MED13: variants seen among roughly 807,000 people sequenced by gnomAD.
The protein encoded by MED13 is mediator complex subunit 13, also known as mediator of RNA polymerase II transcription subunit 13.
Under a neutral mutation model 225.2 loss-of-function variants are expected in MED13, and 23 were observed. That is an observed-to-expected ratio of 0.10 (90% CI 0.07 to 0.14). The LOEUF (loss-of-function observed/expected upper bound fraction) is 0.14, where lower values mean the gene tolerates loss of function less well. Ranked by LOEUF, MED13 falls within the 10% of genes least tolerant of loss-of-function variation. The pLI is 1.00. For synonymous variants in MED13, 942 were observed against 889.2 expected (o/e 1.06, Z -1.06); for missense variants, 2,197 against 2,594.5 (o/e 0.85, Z 3.33).
intron 26 of MED13, 125 bp downstream of exon 26, chr17:61,955,257 A>T: frequency 1.3e-6 from 1 of 757,490 alleles, no homozygotes; most frequent in Non-Finnish European, 2.0e-6. Context: ...CAAGATCCTT[A>T]ACTTATCACA....
At chr17:62,008,183 G>C (rs1449775056) in intron 9 of MED13, among the ~76,000 whole-genome samples, 8 of 150,394 alleles carry the variant, frequency 5.3e-5, no homozygotes, top group Non-Finnish European at 1.0e-4. Context: ...GCCAGGAGTG[G>C]TGGTGGGCGC....
At chr17:62,059,986 T>G (rs2081025447) in intron 2 of MED13, among the ~76,000 whole-genome samples, 2 of 152,156 alleles carry the variant, frequency 1.3e-5, no homozygotes, top group Admixed American at 1.3e-4. Context: ...TCACTTCACT[T>G]TGATAAATTT....
At chr17:61,959,209 T>A (rs2143332026) in intron 23 of MED13, among the ~76,000 whole-genome samples, 1 of 152,228 alleles carries the variant, frequency 6.6e-6, no homozygotes, top group South Asian at 2.1e-4. Flanking sequence ...GAGTCAGGGT[T>A]TCACCATGTC....
chr17:62,031,414 C>T (rs180764099), intron 6 of MED13, 30 bp downstream of exon 6: 106 of 1,481,118 alleles, frequency 7.2e-5, no homozygotes, highest in Non-Finnish European at 9.3e-5. Context: ...AACAAATTAC[C>T]AGAGCTGATG....
At chr17:62,018,370 G>GT (rs1445610752) in intron 8 of MED13, among the ~76,000 whole-genome samples, 1 of 152,068 alleles carries the variant, frequency 6.6e-6, no homozygotes, top group Non-Finnish European at 1.5e-5. Flanking sequence ...AACTATTTAC[G>GT]TAACACATTG....
At chr17:62,028,265 C>A (rs2080721364) in intron 8 of MED13, among the ~76,000 whole-genome samples, 2 of 152,132 alleles carry the variant, frequency 1.3e-5, no homozygotes, top group Admixed American at 6.6e-5. Context: ...CATGGATGAG[C>A]TGGAGGTCAT....
chr17:61,949,998 T>A (rs1172025380), intron 28 of MED13, among the ~76,000 whole-genome samples: 1 of 152,186 alleles, frequency 6.6e-6, no homozygotes, highest in Non-Finnish European at 1.5e-5. Context: ...TTATAAATCT[T>A]TTATTCCCCA....
At position 61,944,659 on chromosome 17, in the gene MED13, T is replaced by C. The variant is rs1321661642; in HGVS notation, c.*1809A>G. Reference sequence around the variant, plus strand: ...GATATTTAATTCTAAGCACAGAGTATTCACAAAAACAAGTTTCAGTAAAAA... The same window carrying C: ...GATATTTAATTCTAAGCACAGAGTACTCACAAAAACAAGTTTCAGTAAAAA... On this transcript the variant is annotated 3_prime_UTR_variant, in exon 30 of 30. Transcript: ENST00000397786. The C allele has an allele frequency of 6.6e-6, 1 of 152,290 alleles. No individual in the cohort carries two copies. Among genetic ancestry groups the C allele is most frequent in the Non-Finnish European group, 1.5e-5 (1 of 68,012 alleles). The allele number at this position is 152,290 out of a possible 1,614,324, so 9.4% of individuals were successfully genotyped here. A position where few individuals can be genotyped will look rare whatever the true frequency, so the allele number is the denominator to read the frequency against.
At chr17:62,008,317 CAA>C (rs766909961) in intron 9 of MED13, among the ~76,000 whole-genome samples, 10 of 33,204 alleles carry the variant, frequency 3.0e-4, no homozygotes, top group East Asian at 2.3e-3. Flanking sequence ...GGCTCTGTCT[CAA>C]AAAAAAAAAA....
At chr17:62,046,000 T>G (rs1172017399) in intron 3 of MED13, among the ~76,000 whole-genome samples, 1 of 152,222 alleles carries the variant, frequency 6.6e-6, no homozygotes, top group African/African-American at 2.4e-5. Flanking sequence ...ATTTTCTCCT[T>G]TGTTCAGGTC....
chr17:62,042,679 T>C (rs947553145), intron 3 of MED13, among the ~76,000 whole-genome samples: 5 of 152,050 alleles, frequency 3.3e-5, no homozygotes, highest in African/African-American at 9.7e-5. Context: ...TTAAGTATTA[T>C]GGTTTTTACT....
In MED13 at chr17:61,961,253, G is replaced by C. The variant is rs112712875; in HGVS notation, c.5257-163C>G. On this transcript the variant is annotated intron_variant, in intron 22 of 29. Transcript: ENST00000397786. Reference sequence around the variant, plus strand: ...ATAGTATCATAAAAATGTTGGCAGGGCACGGTGGCTCGTGCCTGTAATCCC... The same window carrying C: ...ATAGTATCATAAAAATGTTGGCAGGCCACGGTGGCTCGTGCCTGTAATCCC... Among the ~76,000 whole-genome samples the C allele has an allele frequency of 3.2e-3, 486 of 152,168 alleles. 6 individuals are homozygous for C. The highest frequency in any genetic ancestry group is 0.011 in the African/African-American group (467 of 41,516).
intron 9 of MED13, 47 bp from the exon 10 acceptor site, chr17:61,995,412 A>G: frequency 7.2e-7 from 1 of 1,385,572 alleles, no homozygotes; most frequent in Non-Finnish European, 9.8e-7. Flanking sequence ...TAAGCATTAA[A>G]AATTTCCAAA....
At chr17:62,021,146 C>G (rs1224184501) in intron 8 of MED13, among the ~76,000 whole-genome samples, 2 of 151,580 alleles carry the variant, frequency 1.3e-5, no homozygotes, top group East Asian at 3.9e-4. Flanking sequence ...CCTTTCCCCT[C>G]TTTCTATTCC....
At position 61,968,127 on chromosome 17, in the gene MED13, T is replaced by C; in HGVS notation, c.4099A>G (p.Arg1367Gly). The C allele has an allele frequency of 6.2e-7, 1 of 1,614,032 alleles. No homozygotes were observed. Among genetic ancestry groups the C allele is most frequent in the Non-Finnish European group, 8.5e-7 (1 of 1,179,936 alleles). The change falls in exon 18 of 30, where the codon AGA becomes GGA. Residue 1367 changes from arginine (R) to glycine (G), a missense_variant. By Grantham distance (125) the Arg-to-Gly change is moderately radical. Transcript: ENST00000397786. ...RLMLEPYGSQ[R>G]DIAYVVLCPE... is the part of the protein sequence containing the mutation. ...CACAGTACAACATAGGCTATATCTC[T>C]TTGAGATCCATAGGGTTCCAGCATA...
intron 26 of MED13, 70 bp from the exon 27 acceptor site, chr17:61,953,183 T>G: frequency 1.4e-6 from 2 of 1,465,948 alleles, no homozygotes; most frequent in Non-Finnish European, 1.8e-6. Context: ...CAGGAAAGGG[T>G]CAAAATAAAT....
rs555881211 is a variant in MED13, at chr17:62,017,219, T to TAAA, written c.1284-5989_1284-5987dup. Among the ~76,000 whole-genome samples, 352 of 84,206 alleles carry TAAA rather than the reference T, an allele frequency of 4.2e-3. 3 individuals carry two copies. The highest frequency in any genetic ancestry group is 0.014 in the African/African-American group (318 of 22,324). The allele number at this position is 84,206 out of a possible 152,430, so 55.2% of individuals were successfully genotyped here. A position where few individuals can be genotyped will look rare whatever the true frequency, so the allele number is the denominator to read the frequency against. On this transcript the variant is annotated intron_variant, in intron 8 of 29. Transcript: ENST00000397786. The stretch of plus-strand genomic sequence containing the variant: ...ACAAAACAGAGTAGAACTAAAATGC[T>TAAA]AAAAAAAAAAAAAAAAAAGCATGAA...
chr17:61,956,494 T>A lies in MED13; in HGVS notation c.5481-13A>T, dbSNP rs1441482008. The stretch of plus-strand genomic sequence containing the variant: ...TTTCCGACGAGCCCTATTGTGTGAA[T>A]AAAGAGAGTGTCATAAATATTTCTA... On this transcript the variant is annotated splice_polypyrimidine_tract_variant and intron_variant, in intron 23 of 29. Transcript: ENST00000397786. 5 of 1,592,652 alleles carry A rather than the reference T, an allele frequency of 3.1e-6. No homozygotes were observed.
chr17:61,997,385 T>C (rs923481577), intron 9 of MED13, among the ~76,000 whole-genome samples: 2 of 152,194 alleles, frequency 1.3e-5, no homozygotes, highest in African/African-American at 4.8e-5. Context: ...GTTTTATAAT[T>C]AATCATCAGG....
Sources: allele counts gnomAD v4.1 joint callset (sites outside exome capture counted in the v4.1 genomes callset), GRCh38; gene constraint gnomAD v4.1.1; transcripts MANE v1.5; gene names NCBI Gene and HGNC (gene_info 2026-07-23, HGNC 2026-07-21).